MACROD2: variants seen among roughly 807,000 people sequenced by gnomAD.
MACROD2 encodes ADP-ribose glycohydrolase MACROD2.
MACROD2 carries 36 observed loss-of-function variants against 70.4 expected under a neutral mutation model. The observed-to-expected ratio is 0.51, with a 90% CI of 0.39 to 0.68. The LOEUF (loss-of-function observed/expected upper bound fraction) is 0.68. Ranked by LOEUF, MACROD2 falls within the 30% of genes least tolerant of loss-of-function variation. The pLI is 0.00. For missense variants in MACROD2, 496 were observed against 538.4 expected, an observed-to-expected ratio of 0.92 and a Z score of 0.78; for synonymous variants, 172 against 178.8, an observed-to-expected ratio of 0.96 and a Z score of 0.30.
intron 2 of MACROD2, among the ~76,000 whole-genome samples, chr20:14,069,799 G>T (rs979586702): frequency 4.6e-5 from 7 of 150,962 alleles, no homozygotes; most frequent in South Asian, 2.1e-4. Context: ...ATGACTTTGG[G>T]CTTTTCCATG....
At chr20:16,044,199 A>T (rs1457839768) in intron 16 of MACROD2, among the ~76,000 whole-genome samples, 4 of 152,090 alleles carry the variant, frequency 2.6e-5, no homozygotes, top group African/African-American at 9.7e-5. Flanking sequence ...ACTAGAAGCA[A>T]GACTAGAAGC....
intron 8 of MACROD2, among the ~76,000 whole-genome samples, chr20:15,840,751 A>G (rs2064161464): frequency 6.6e-6 from 1 of 152,158 alleles, no homozygotes; most frequent in Admixed American, 6.6e-5. Flanking sequence ...CACATTGACT[A>G]ACTCTACTGG....
chr20:14,322,715 G>T (rs2082675784), intron 3 of MACROD2, among the ~76,000 whole-genome samples: 1 of 152,050 alleles, frequency 6.6e-6, no homozygotes, highest in South Asian at 2.1e-4. Flanking sequence ...CAGTAGAGGA[G>T]TAAAAGGAGC....
At chr20:15,331,152 G>C (rs887294331) in intron 6 of MACROD2, among the ~76,000 whole-genome samples, 3 of 151,670 alleles carry the variant, frequency 2.0e-5, no homozygotes, top group Non-Finnish European at 2.9e-5. Flanking sequence ...GGATGCATTT[G>C]ATTTACTCTT....
intron 3 of MACROD2, among the ~76,000 whole-genome samples, chr20:14,093,988 T>A (rs1008072646): frequency 4.6e-5 from 7 of 151,964 alleles, no homozygotes; most frequent in East Asian, 1.9e-4. Context: ...GTTTTTTTTT[T>A]TAAAATTTTT....
chr20:15,761,911 C>A (rs139527323), intron 8 of MACROD2, among the ~76,000 whole-genome samples: 1 of 152,214 alleles, frequency 6.6e-6, no homozygotes, highest in African/African-American at 2.4e-5. Context: ...CCTATTTACA[C>A]ACAGTGTTTC....
At chr20:14,254,877 G>A (rs1414629706) in intron 3 of MACROD2, among the ~76,000 whole-genome samples, 1 of 152,034 alleles carries the variant, frequency 6.6e-6, no homozygotes, top group Non-Finnish European at 1.5e-5. Flanking sequence ...GCAGTGGCTG[G>A]TACCGGTTGT....
intron 4 of MACROD2, among the ~76,000 whole-genome samples, chr20:14,608,492 G>A (rs1007950675): frequency 6.6e-6 from 1 of 152,120 alleles, no homozygotes; most frequent in South Asian, 2.1e-4. Context: ...GAAGTTTGAG[G>A]TCAGGATAAG....
At chr20:15,558,317 C>T (rs959845576) in intron 8 of MACROD2, among the ~76,000 whole-genome samples, 1 of 152,256 alleles carries the variant, frequency 6.6e-6, no homozygotes, top group Non-Finnish European at 1.5e-5. Flanking sequence ...AGCTGCCAAA[C>T]TTTCAATCTG....
chr20:14,904,024 T>A (rs2122562615), intron 5 of MACROD2, among the ~76,000 whole-genome samples: 1 of 152,316 alleles, frequency 6.6e-6, no homozygotes, highest in Non-Finnish European at 1.5e-5. Flanking sequence ...AAATAGAGAT[T>A]TTAGTGAACA....
intron 3 of MACROD2, among the ~76,000 whole-genome samples, chr20:14,159,306 A>G (rs2055150004): frequency 1.3e-5 from 2 of 152,328 alleles, no homozygotes; most frequent in East Asian, 1.9e-4. Context: ...CATTGAATTT[A>G]TAGATTGTTT....
chr20:14,435,449 T>C lies in MACROD2; in HGVS notation c.272-58030T>C, dbSNP rs886554755. The stretch of plus-strand genomic sequence containing the variant: ...TGTGGGGGCACCATTCAGCTCACTG[T>C]GATAACGATCCCAGTGTTCACTGCT... On this transcript the variant is annotated intron_variant, in intron 3 of 17. Transcript: ENST00000684519. Among the ~76,000 whole-genome samples, 50 of 152,188 alleles carry C rather than the reference T, an allele frequency of 3.3e-4. 1 individual carries two copies. The highest frequency in any genetic ancestry group is 2.9e-4 in the Non-Finnish European group (20 of 68,032).
chr20:15,444,016 C>T (rs1345861723), intron 7 of MACROD2, among the ~76,000 whole-genome samples: 1 of 152,096 alleles, frequency 6.6e-6, no homozygotes, highest in Non-Finnish European at 1.5e-5. Flanking sequence ...TGCACAACAA[C>T]CATCATAATC....
intron 10 of MACROD2, among the ~76,000 whole-genome samples, chr20:15,924,784 C>CA (rs1172738266): frequency 8.0e-4 from 119 of 149,338 alleles, no homozygotes; most frequent in African/African-American, 2.3e-3. Context: ...CATTCTTCAG[C>CA]AAAAAAAAAG....
chr20:14,572,997 A>C (rs1177161709), intron 4 of MACROD2, among the ~76,000 whole-genome samples: 1 of 151,880 alleles, frequency 6.6e-6, no homozygotes, highest in African/African-American at 2.4e-5. Flanking sequence ...TGCCAGCCTC[A>C]GAGAAAAGTA....
At chr20:14,041,103 ATTT>A (rs954618300) in intron 2 of MACROD2, among the ~76,000 whole-genome samples, 1 of 152,200 alleles carries the variant, frequency 6.6e-6, no homozygotes, top group Non-Finnish European at 1.5e-5. Context: ...TCATCCAAAC[ATTT>A]TTAATTTACC....
chr20:14,331,913 A>G (rs1347775010), intron 3 of MACROD2, among the ~76,000 whole-genome samples: 2 of 152,144 alleles, frequency 1.3e-5, no homozygotes, highest in Non-Finnish European at 2.9e-5. Flanking sequence ...CACTGACTTC[A>G]GAGCCTTTCT....
At chr20:15,445,646 T>C (rs2046554895) in intron 7 of MACROD2, among the ~76,000 whole-genome samples, 1 of 152,116 alleles carries the variant, frequency 6.6e-6, no homozygotes, top group Non-Finnish European at 1.5e-5. Flanking sequence ...AGGGAAAAAG[T>C]CCAATGCTTG....
In MACROD2 at chr20:15,631,861, G is replaced by A. The variant is rs1297550292; in HGVS notation, c.645+132014G>A. ...TGGGGATTTTGAAAACAGTCAGCTG[G>A]GCATGGTGGCTCACGCCTGTAATCC... is the stretch of plus-strand genomic sequence containing the variant. On this transcript the variant is annotated intron_variant, in intron 8 of 17. Coordinates refer to ENST00000684519, the MANE Select transcript of MACROD2 (RefSeq NM_001351661.2). Among the ~76,000 whole-genome samples, 4 of 152,180 alleles carry A rather than the reference G, an allele frequency of 2.6e-5. 1 individual carries two copies. The highest frequency in any genetic ancestry group is 9.7e-5 in the African/African-American group (4 of 41,444).
Sources: allele counts gnomAD v4.1 joint callset (sites outside exome capture counted in the v4.1 genomes callset), GRCh38; gene constraint gnomAD v4.1.1; transcripts MANE v1.5; gene names NCBI Gene and HGNC (gene_info 2026-07-23, HGNC 2026-07-21).